GLI3: variants seen among roughly 807,000 people sequenced by gnomAD.
The protein encoded by GLI3 is transcription activator GLI3.
A neutral mutation model predicts 100.8 loss-of-function variants in GLI3; 20 were observed. The ratio of observed to expected loss-of-function variants is 0.20; its 90% CI spans 0.14 to 0.29. GLI3 has a LOEUF of 0.29. GLI3 is among the 10% of genes least tolerant of loss of function. The probability of loss-of-function intolerance (pLI) is 1.00; values close to 1 mark genes in which losing one functional copy is unlikely to be tolerated. For missense variants in GLI3, 2,040 were observed against 2,128.5 expected (o/e 0.96, Z 0.82); for synonymous variants, 938 against 860.5 (o/e 1.09, Z -1.58).
chr7:41,985,662 T>C (rs969146526), intron 10 of GLI3, among the ~76,000 whole-genome samples: 4 of 152,220 alleles, frequency 2.6e-5, no homozygotes, highest in Admixed American at 2.6e-4. Flanking sequence ...CCCTCAAAAC[T>C]TCCTGCCTGA....
At chr7:42,073,352 A>G (rs928855811) in intron 4 of GLI3, among the ~76,000 whole-genome samples, 4 of 152,178 alleles carry the variant, frequency 2.6e-5, no homozygotes, top group Non-Finnish European at 5.9e-5. Context: ...GTATTTCCGT[A>G]CATATTTATA....
chr7:42,007,313 A>C (rs922031443), intron 10 of GLI3, among the ~76,000 whole-genome samples: 6 of 152,084 alleles, frequency 3.9e-5, no homozygotes, highest in African/African-American at 1.4e-4. Context: ...AGCTCAGCCA[A>C]GTTAAAAGTT....
At position 42,151,490 on chromosome 7, in the gene GLI3, G is replaced by C. The variant is rs576839253; in HGVS notation, c.125-3022C>G. 2.6e-5 allele frequency: 4 copies of C among 152,318 alleles called. No homozygotes were observed. The East Asian group carries it at 7.7e-4, about 29-fold the overall frequency. The allele number at this position is 152,318 out of a possible 1,614,324, so 9.4% of individuals were successfully genotyped here. Reference sequence around the variant, plus strand: ...GAGTCAGTGCAGACAGGCTACGCCAGGCCAAATTATTGACAGAAACACACT... The same window carrying C: ...GAGTCAGTGCAGACAGGCTACGCCACGCCAAATTATTGACAGAAACACACT... On this transcript the variant is annotated intron_variant, in intron 2 of 14. Coordinates refer to ENST00000395925, the MANE Select transcript of GLI3 (RefSeq NM_000168.6).
At chr7:42,194,919 AC>A (rs1787898132) in intron 2 of GLI3, among the ~76,000 whole-genome samples, 1 of 151,704 alleles carries the variant, frequency 6.6e-6, no homozygotes, top group African/African-American at 2.4e-5. Flanking sequence ...GGCACCCACC[AC>A]CAGGTCTGGC....
intron 7 of GLI3, among the ~76,000 whole-genome samples, chr7:42,036,807 T>C (rs1789453192): frequency 6.6e-6 from 1 of 152,162 alleles, no homozygotes. Context: ...CACGGAACTT[T>C]GCTAACTTCA....
intron 10 of GLI3, among the ~76,000 whole-genome samples, chr7:42,003,634 T>C (rs1788370252): frequency 6.6e-6 from 1 of 152,158 alleles, no homozygotes; most frequent in South Asian, 2.1e-4. Context: ...AAAATAGAAA[T>C]AACTCATTCA....
At chr7:42,185,552 C>T (rs1787701828) in intron 2 of GLI3, among the ~76,000 whole-genome samples, 1 of 152,234 alleles carries the variant, frequency 6.6e-6, no homozygotes, top group Non-Finnish European at 1.5e-5. Flanking sequence ...TGAGCTCTAG[C>T]TTCTGTCTTG....
intron 10 of GLI3, among the ~76,000 whole-genome samples, chr7:42,006,814 A>G (rs1788471793): frequency 6.6e-6 from 1 of 152,204 alleles, no homozygotes; most frequent in Non-Finnish European, 1.5e-5. Flanking sequence ...TGGTAAGTGC[A>G]TTTCACAGAG....
chr7:42,027,989 A>G lies in GLI3; in HGVS notation c.1029-1577T>C, dbSNP rs117428633. ...TGATAGGGCATTAATCAAAAGATGC[A>G]TATCTGCCTCAGAATTTGTTCACAA... On this transcript the variant is annotated intron_variant, in intron 7 of 14. Coordinates refer to ENST00000395925, the MANE Select transcript of GLI3 (RefSeq NM_000168.6). 5.7e-3 allele frequency among the ~76,000 whole-genome samples: 869 copies of G among 152,338 alleles called. 1 individual carries two copies. The highest frequency in any genetic ancestry group is 9.9e-3 in the Admixed American group (151 of 15,306).
At chr7:42,131,222 T>C (rs1306299158) in intron 3 of GLI3, among the ~76,000 whole-genome samples, 4 of 152,178 alleles carry the variant, frequency 2.6e-5, no homozygotes, top group African/African-American at 9.6e-5. Flanking sequence ...TGTCTAGAGA[T>C]TCCTCGTTCA....
Position 42,026,219 on chromosome 7 carries a change from C to T in GLI3, c.1222G>A (p.Gly408Ser), listed in dbSNP as rs200411081. The T allele has an allele frequency of 9.2e-5, 149 of 1,613,044 alleles. 1 individual carries two copies. The Admixed American group carries it at 1.2e-3, about 13-fold the overall frequency. ...TVLNPVQVSS[G>S]PSESSQNKPT... ...CTCACCTGTGAGGACTCAGAAGGGC[C>T]GGAGCTGACCTGGACGGGGTTCAGA... The change falls in exon 8 of 15, where the codon GGC (glycine) becomes AGC (serine). Residue 408 changes from glycine (G) to serine (S), a missense_variant. By Grantham distance (56) the Gly-to-Ser change is moderately conservative. This residue lies in a region of GLI3 where 603 missense variants were observed against 690.9 expected (regional missense o/e 0.87). Coordinates refer to ENST00000395925, the MANE Select transcript of GLI3 (RefSeq NM_000168.6).
At chr7:42,038,722 A>T (rs576368160) in intron 7 of GLI3, among the ~76,000 whole-genome samples, 1 of 152,366 alleles carries the variant, frequency 6.6e-6, no homozygotes, top group South Asian at 2.1e-4. Flanking sequence ...GATTTACCAC[A>T]TTTAAATATT....
chr7:42,236,510 C>T (rs1169197078), intron 1 of GLI3, among the ~76,000 whole-genome samples: 1 of 151,328 alleles, frequency 6.6e-6, no homozygotes, highest in Non-Finnish European at 1.5e-5. Flanking sequence ...CGGCGGAGGT[C>T]CCCGCGCGCA....
At position 41,965,335 on chromosome 7, in the gene GLI3, T is replaced by G; in HGVS notation, c.3738A>C (p.Glu1246Asp). 1 of 1,613,832 alleles carries G rather than the reference T, an allele frequency of 6.2e-7. No individual in the cohort carries two copies. The highest frequency in any genetic ancestry group is 8.5e-7 in the Non-Finnish European group (1 of 1,179,878). Reference sequence around the variant, plus strand: ...CATACTGCGGGGCCTTACAGGGCTGTTCATGGAAGGCGTTTCCACTGGTGC... The same window carrying G: ...CATACTGCGGGGCCTTACAGGGCTGGTCATGGAAGGCGTTTCCACTGGTGC... ...GSGTSGNAFH[E>D]QPCKAPQYGN... The change falls in exon 15 of 15, where the codon GAA becomes GAC. Residue 1246 changes from glutamate (E) to aspartate (D), a missense_variant. By Grantham distance (45) the Glu-to-Asp change is conservative. Transcript: ENST00000395925.
chr7:42,204,722 C>T (rs991845231), intron 2 of GLI3, among the ~76,000 whole-genome samples: 1 of 152,170 alleles, frequency 6.6e-6, no homozygotes, highest in Non-Finnish European at 1.5e-5. Context: ...TCCCCAACCT[C>T]TTTCTGAGCT....
intron 3 of GLI3, among the ~76,000 whole-genome samples, chr7:42,092,819 T>G (rs1488747996): frequency 6.2e-5 from 6 of 96,950 alleles, no homozygotes; most frequent in African/African-American, 2.1e-4. Flanking sequence ...ATTTATGTAT[T>G]TATGTATTTA....
At chr7:42,095,909 C>G (rs994176969) in intron 3 of GLI3, among the ~76,000 whole-genome samples, 1 of 151,980 alleles carries the variant, frequency 6.6e-6, no homozygotes, top group Non-Finnish European at 1.5e-5. Flanking sequence ...GAAGAGGAAA[C>G]CTGGAGGGAG....
chr7:42,041,452 CAG>C (rs1164309784), intron 6 of GLI3, among the ~76,000 whole-genome samples: 2 of 152,166 alleles, frequency 1.3e-5, no homozygotes, highest in African/African-American at 4.8e-5. Context: ...ATTTACATTA[CAG>C]AGTCATCAAA....
In GLI3 at chr7:42,065,637, G is replaced by A. The variant is rs896393556; in HGVS notation, c.473+11115C>T. Among the ~76,000 whole-genome samples, 64 of 152,172 alleles carry A rather than the reference G, an allele frequency of 4.2e-4. 1 individual carries two copies. Among genetic ancestry groups the A allele is most frequent in the Non-Finnish European group, 1.3e-4 (9 of 67,998 alleles). On this transcript the variant is annotated intron_variant, in intron 4 of 14. Transcript: ENST00000395925. Reference sequence around the variant, plus strand: ...ATACTCGAATAATTTTGTTTTTGTTGTTCATTATTTCTATACATAAGGCAA... The same window carrying A: ...ATACTCGAATAATTTTGTTTTTGTTATTCATTATTTCTATACATAAGGCAA...
Sources: gnomAD v4.1 joint callset for allele counts (sites outside exome capture counted in the v4.1 genomes callset) on GRCh38, gnomAD v4.1.1 for gene constraint, gnomAD v4.1.1 regional missense constraint, MANE v1.5 for transcripts, NCBI Gene and HGNC (gene_info 2026-07-23, HGNC 2026-07-21) for gene names.